The following PTBP3 variants were observed in gnomAD, a reference collection of about 807,000 sequenced individuals.
PTBP3 encodes polypyrimidine tract-binding protein 3.
A neutral mutation model predicts 58.7 loss-of-function variants in PTBP3; 20 were observed. The ratio of observed to expected loss-of-function variants is 0.34; its 90% CI spans 0.24 to 0.50. The LOEUF is 0.50. Among genes scored for constraint, PTBP3 ranks in the 20% least tolerant of loss-of-function variants. The pLI, the probability that PTBP3 is intolerant of heterozygous loss-of-function variation, is 0.98. For missense variants in PTBP3, 509 were observed against 637.2 expected (o/e 0.80, Z 2.17); for synonymous variants, 185 against 219.8 (o/e 0.84, Z 1.40).
In PTBP3 at chr9:112,220,791, G is replaced by T; in HGVS notation, c.*3060C>A. Reference sequence around the variant, plus strand: ...AATTCGCTACTGTTAAATGTGTACTGCTATTTTTTAAAGTCCTGAATATAT... The same window carrying T: ...AATTCGCTACTGTTAAATGTGTACTTCTATTTTTTAAAGTCCTGAATATAT... On this transcript the variant is annotated 3_prime_UTR_variant, in exon 14 of 14. Transcript: ENST00000374257. 1.0e-6 allele frequency: 1 copy of T among 981,270 alleles called. No individual in the cohort carries two copies. Among genetic ancestry groups the T allele is most frequent in the Non-Finnish European group, 1.2e-6 (1 of 826,198 alleles). The allele number at this position is 981,270 out of a possible 1,614,324, so 60.8% of individuals were successfully genotyped here.
intron 1 of PTBP3, among the ~76,000 whole-genome samples, chr9:112,331,000 A>C (rs1830345908): frequency 1.3e-5 from 2 of 152,048 alleles, no homozygotes; most frequent in East Asian, 1.9e-4. Context: ...CAGACATCAA[A>C]ATTTTCAAAG....
At position 112,220,989 on chromosome 9, in the gene PTBP3, C is replaced by A. The variant is rs1196110886; in HGVS notation, c.*2862G>T. 7 of 971,380 alleles carry A rather than the reference C, an allele frequency of 7.2e-6. No individual in the cohort carries two copies. Among genetic ancestry groups the A allele is most frequent in the Non-Finnish European group, 8.6e-6 (7 of 817,362 alleles). The allele number at this position is 971,380 out of a possible 1,614,324, so 60.2% of individuals were successfully genotyped here. A position where few individuals can be genotyped will look rare whatever the true frequency, so the allele number is the denominator to read the frequency against. ...TACACAGATCTAGTTTTTCCACCAT[C>A]CTGATATTTTTTAATCTTTTTTTTA... On this transcript the variant is annotated 3_prime_UTR_variant, in exon 14 of 14. Transcript: ENST00000374257.
At chr9:112,280,865 G>C (rs1348991663) in intron 2 of PTBP3, 2 of 151,208 alleles carry the variant, frequency 1.3e-5, no homozygotes, top group African/African-American at 4.9e-5. Flanking sequence ...TTTACATAAT[G>C]AAATATTTCA....
upstream of PTBP3, chr9:112,333,635 G>T (rs1188842578): frequency 1.3e-6 from 1 of 750,612 alleles, no homozygotes; most frequent in African/African-American, 1.8e-5. Flanking sequence ...CAGGGGCGGG[G>T]ACCGGGCACG....
chr9:112,306,602 A>T (rs867392116), intron 1 of PTBP3, among the ~76,000 whole-genome samples: 34 of 84,986 alleles, frequency 4.0e-4, no homozygotes, highest in Non-Finnish European at 6.4e-4. Context: ...ATATATATAT[A>T]TATTTTTGTT....
intron 7 of PTBP3, among the ~76,000 whole-genome samples, chr9:112,235,160 T>G (rs1202629566): frequency 6.6e-6 from 1 of 152,138 alleles, no homozygotes. Flanking sequence ...TTTCTCTTAT[T>G]TAGAGCAATA....
downstream of PTBP3, chr9:112,218,327 A>G (rs1316696661): frequency 1.3e-5 from 2 of 152,398 alleles, no homozygotes; most frequent in African/African-American, 4.8e-5. Context: ...TTCACTAACC[A>G]TGACACGTTT....
intron 6 of PTBP3, among the ~76,000 whole-genome samples, chr9:112,251,605 T>C (rs560940808): frequency 2.6e-5 from 4 of 152,294 alleles, no homozygotes; most frequent in African/African-American, 7.2e-5. Context: ...TTTTTTTCTC[T>C]TGTAAATTTA....
the PTBP3 span, among the ~76,000 whole-genome samples, chr9:112,342,533 A>G: frequency 2.0e-5 from 3 of 152,210 alleles, no homozygotes; most frequent in Non-Finnish European, 4.4e-5. Flanking sequence ...CCTGGCCAAC[A>G]TGGTGAAACC....
At chr9:112,228,101 TAAAAC>T (rs1360921113) in intron 11 of PTBP3, among the ~76,000 whole-genome samples, 3 of 152,162 alleles carry the variant, frequency 2.0e-5, no homozygotes, top group Admixed American at 2.0e-4. Flanking sequence ...AAAAATGAAA[TAAAAC>T]AAATCATGCT....
chr9:112,236,685 G>T (rs1835450899), intron 7 of PTBP3, among the ~76,000 whole-genome samples: 1 of 152,138 alleles, frequency 6.6e-6, no homozygotes, highest in African/African-American at 2.4e-5. Flanking sequence ...ATATTTCCAT[G>T]CAGTTCACAC....
At chr9:112,266,609 G>A (rs1028148161) in intron 4 of PTBP3, among the ~76,000 whole-genome samples, 1 of 152,082 alleles carries the variant, frequency 6.6e-6, no homozygotes. Flanking sequence ...GAAATTGGAC[G>A]AATTATAATT....
chr9:112,308,056 A>C (rs1829306336), intron 1 of PTBP3, among the ~76,000 whole-genome samples: 1 of 152,208 alleles, frequency 6.6e-6, no homozygotes, highest in Non-Finnish European at 1.5e-5. Context: ...TGCTTTAAAC[A>C]TTCCCTTTTT....
At chr9:112,290,686 A>AT (rs1564438423) in intron 2 of PTBP3, among the ~76,000 whole-genome samples, 9 of 59,870 alleles carry the variant, frequency 1.5e-4, no homozygotes, top group Non-Finnish European at 2.1e-4. Flanking sequence ...AAAAAAAAAA[A>AT]AATATATATA....
At position 112,220,261 on chromosome 9, in the gene PTBP3, C is replaced by A. The variant is rs757430490; in HGVS notation, c.*3590G>T. On this transcript the variant is annotated 3_prime_UTR_variant, in exon 14 of 14. Transcript: ENST00000374257. ...ATGTAAGCACTGCTGACTGATGGCA[C>A]GGAGACACTGAAAAGAACAGAGAGC... The A allele has an allele frequency of 5.1e-5, 68 of 1,341,712 alleles. No individual in the cohort carries two copies. Among genetic ancestry groups the A allele is most frequent in the Non-Finnish European group, 5.9e-5 (60 of 1,017,290 alleles). The allele number at this position is 1,341,712 out of a possible 1,614,324, so 83.1% of individuals were successfully genotyped here.
chr9:112,364,595 TG>T, the PTBP3 span, among the ~76,000 whole-genome samples: 1 of 152,196 alleles, frequency 6.6e-6, no homozygotes, highest in Non-Finnish European at 1.5e-5. Context: ...ATCACGCCAC[TG>T]TACTCTAGCC....
chr9:112,320,829 T>C (rs781140931), intron 1 of PTBP3, among the ~76,000 whole-genome samples: 1 of 152,160 alleles, frequency 6.6e-6, no homozygotes, highest in African/African-American at 2.4e-5. Flanking sequence ...CCGAACTACC[T>C]GGACTGTTTA....
At chr9:112,290,157 C>T (rs1007589066) in intron 2 of PTBP3, among the ~76,000 whole-genome samples, 1 of 151,956 alleles carries the variant, frequency 6.6e-6, no homozygotes, top group African/African-American at 2.4e-5. Flanking sequence ...TCTGCATACA[C>T]GTATAACAAA....
In PTBP3 at chr9:112,327,211, GA is replaced by G. The variant is rs111322437; in HGVS notation, c.-52+6258del. Reference sequence around the variant, plus strand: ...GACAGAGGTAGAGCCTGCCTTCAAAGAAAAAAAAAAAAATAGCAAATACGTC... The same window carrying G: ...GACAGAGGTAGAGCCTGCCTTCAAAGAAAAAAAAAAAATAGCAAATACGTC... On this transcript the variant is annotated intron_variant, in intron 1 of 13. Transcript: ENST00000374257. Among the ~76,000 whole-genome samples, 558 of 126,534 alleles carry G rather than the reference GA, an allele frequency of 4.4e-3. 3 individuals are homozygous for G. Among genetic ancestry groups the G allele is most frequent in the African/African-American group, 0.01 (355 of 33,996 alleles). 83.0% of individuals were successfully genotyped at this position (126,534 alleles called of 152,430 possible).
Sources: gnomAD v4.1 joint callset for allele counts (sites outside exome capture counted in the v4.1 genomes callset) on GRCh38, gnomAD v4.1.1 for gene constraint, MANE v1.5 for transcripts, NCBI Gene and HGNC (gene_info 2026-07-23, HGNC 2026-07-21) for gene names.